Variants in MINAR1 observed in about 807,000 individuals in gnomAD.
MINAR1 encodes major intrinsically disordered Notch2-binding receptor 1.
In MINAR1, 40 loss-of-function variants were observed where a neutral mutation model predicts 65.1. The observed-to-expected ratio is 0.61, with a 90% CI of 0.48 to 0.80. MINAR1 has a LOEUF of 0.80. MINAR1 is among the 30% of genes least tolerant of loss of function. The pLI, the probability that MINAR1 is intolerant of heterozygous loss-of-function variation, is 0.00. For missense variants in MINAR1, 1,128 were observed against 1,148.0 expected (o/e 0.98, Z 0.25); for synonymous variants, 482 against 449.1 (o/e 1.07, Z -0.93).
chr15:79,431,040 C>G (rs190744304), upstream of MINAR1, among the ~76,000 whole-genome samples: 679 of 152,308 alleles, frequency 4.5e-3, 11 homozygotes, highest in African/African-American at 0.015. Flanking sequence ...CTGCGTCCCC[C>G]CAGGGCCTTT....
Position 79,457,471 on chromosome 15 carries a change from T to A in MINAR1, c.1324T>A (p.Ser442Thr), listed in dbSNP as rs1895474274. The A allele has an allele frequency of 6.2e-7, 1 of 1,613,998 alleles. No individual in the cohort carries two copies. Among genetic ancestry groups the A allele is most frequent in the African/African-American group, 1.3e-5 (1 of 74,910 alleles). ...TGGGCTCAAATCTAAAGAGATCTCA[T>A]CCCCTGTTGACCTGGAGAAGCATGA... ...QNGLKSKEIS[S>T]PVDLEKHEPV... is the part of the protein sequence containing the mutation. The change falls in exon 2 of 4, where the codon TCC (serine) becomes ACC (threonine). Residue 442 changes from serine (S) to threonine (T), a missense_variant. Ser to Thr is a moderately conservative substitution (Grantham distance 58). Transcript: ENST00000305428.
intron 3 of MINAR1, among the ~76,000 whole-genome samples, chr15:79,464,634 T>C: frequency 6.6e-6 from 1 of 152,194 alleles, no homozygotes; most frequent in East Asian, 1.9e-4. Context: ...AAGAAAATGA[T>C]TGCAATGACA....
At chr15:79,422,294 G>C in the MINAR1 span, 3 of 152,452 alleles carry the variant, frequency 2.0e-5, no homozygotes, top group Admixed American at 6.5e-5. Flanking sequence ...GCTCACGCCT[G>C]TAATCCCAGC....
upstream of MINAR1, among the ~76,000 whole-genome samples, chr15:79,431,670 T>G (rs994588483): frequency 6.6e-6 from 1 of 152,172 alleles, no homozygotes; most frequent in African/African-American, 2.4e-5. Flanking sequence ...CCCCGAGTGC[T>G]CCCTGGGAAG....
chr15:79,427,395 A>T (rs1219817865), upstream of MINAR1: 5 of 152,232 alleles, frequency 3.3e-5, no homozygotes, highest in Non-Finnish European at 7.3e-5. Context: ...AAACCTGCAT[A>T]TGTACCCCTG....
upstream of MINAR1, among the ~76,000 whole-genome samples, chr15:79,431,671 C>T (rs998330529): frequency 7.2e-5 from 11 of 152,242 alleles, no homozygotes; most frequent in African/African-American, 2.7e-4. Context: ...CCCGAGTGCT[C>T]CCTGGGAAGA....
chr15:79,433,698 G>A (rs965503917), intron 1 of MINAR1, among the ~76,000 whole-genome samples: 1 of 152,132 alleles, frequency 6.6e-6, no homozygotes, highest in African/African-American at 2.4e-5. Context: ...TCCAGCAAAC[G>A]AGCTGCCACT....
At chr15:79,416,699 CG>C in the MINAR1 span, 1 of 152,150 alleles carries the variant, frequency 6.6e-6, no homozygotes, top group East Asian at 1.9e-4. Flanking sequence ...ATCTAACAAT[CG>C]ACCCCTGAAT....
chr15:79,468,375 G>A lies in MINAR1; in HGVS notation c.2742G>A (p.Met914Ile). Reference protein sequence around the residue: ...ILVIVVPICTMKS With the variant: ...ILVIVVPICTIKS ...TTATTGTCGTGCCCATCTGCACAAT[G>A]AAATCATGAGCTAAGAATGCAACCT... Residue 914 changes from methionine (M) to isoleucine (I), a missense_variant, in exon 4 of 4, where the codon ATG becomes ATA. Physicochemically the swap from Met to Ile is conservative, Grantham distance 10 (BLOSUM62 1). Transcript: ENST00000305428. 1 of 1,613,802 alleles carries A rather than the reference G, an allele frequency of 6.2e-7. No individual in the cohort carries two copies. The highest frequency in any genetic ancestry group is 8.5e-7 in the Non-Finnish European group (1 of 1,179,902).
chr15:79,453,357 C>A (rs1895302610), intron 1 of MINAR1, among the ~76,000 whole-genome samples: 1 of 152,098 alleles, frequency 6.6e-6, no homozygotes, highest in African/African-American at 2.4e-5. Flanking sequence ...GGGCCCCTAA[C>A]CCCATACAGG....
chr15:79,446,882 T>A lies in MINAR1; in HGVS notation c.-50-9216T>A, dbSNP rs535265063. 7.9e-5 allele frequency among the ~76,000 whole-genome samples: 12 copies of A among 152,270 alleles called. No homozygotes were observed. In the South Asian group the frequency reaches 2.3e-3, roughly 29 times the overall value. On this transcript the variant is annotated intron_variant, in intron 1 of 3. Transcript: ENST00000305428. ...CTTGATTTAATGGTTTTTGTTGTTG[T>A]CATTGTTGCTGTTTTGTTTTTTGAG...
rs1343534835 is a variant in MINAR1, at chr15:79,456,989, C to T, written c.842C>T (p.Ala281Val). ...SPSLVGPISK[A>V]ENEHREPQSR... ...AGTTTGGTTGGCCCCATCAGCAAAG[C>T]AGAGAATGAGCACAGGGAACCCCAG... The change falls in exon 2 of 4, where the codon GCA (alanine) becomes GTA (valine). Residue 281 changes from alanine to valine, a missense_variant. By Grantham distance (64) the Ala-to-Val change is moderately conservative. Transcript: ENST00000305428. The T allele has an allele frequency of 1.2e-6, 2 of 1,614,028 alleles. No homozygotes were observed. The highest frequency in any genetic ancestry group is 2.7e-5 in the African/African-American group (2 of 74,920).
chr15:79,454,255 C>A (rs2141291176), intron 1 of MINAR1, among the ~76,000 whole-genome samples: 1 of 152,304 alleles, frequency 6.6e-6, no homozygotes, highest in East Asian at 1.9e-4. Context: ...CCACTGGTCT[C>A]TGCATATCCC....
intron 1 of MINAR1, among the ~76,000 whole-genome samples, chr15:79,450,032 C>T (rs1245424340): frequency 2.0e-5 from 3 of 152,212 alleles, no homozygotes; most frequent in African/African-American, 7.2e-5. Context: ...GGGTTCCCAG[C>T]TCCATGTTTA....
chr15:79,457,860 C>A lies in MINAR1; in HGVS notation c.1713C>A (p.Val571=). ...EHNLTKIANG[V]PNSKGDKGNR... Reference sequence around the variant, plus strand: ...ACTTAACCAAAATTGCCAATGGGGTCCCCAACAGCAAGGGAGACAAGGGCA... The same window carrying A: ...ACTTAACCAAAATTGCCAATGGGGTACCCAACAGCAAGGGAGACAAGGGCA... Residue 571 remains valine, a synonymous_variant, in exon 2 of 4, where the codon GTC becomes GTA. Transcript: ENST00000305428. 6.2e-7 allele frequency: 1 copy of A among 1,614,072 alleles called. No individual in the cohort carries two copies. The highest frequency in any genetic ancestry group is 1.3e-5 in the African/African-American group (1 of 75,014).
chr15:79,432,849 G>A (rs1567047442), intron 1 of MINAR1, among the ~76,000 whole-genome samples: 1 of 152,198 alleles, frequency 6.6e-6, no homozygotes, highest in Non-Finnish European at 1.5e-5. Context: ...GCAGTTTGGG[G>A]CAAGTTTTCC....
the MINAR1 span, chr15:79,411,716 C>T: frequency 1.9e-6 from 1 of 514,544 alleles, no homozygotes; most frequent in East Asian, 3.3e-5. Flanking sequence ...ACTCCTTGAC[C>T]ACCACAGACA....
intron 2 of MINAR1, among the ~76,000 whole-genome samples, chr15:79,461,970 C>G (rs948260820): frequency 1.3e-4 from 20 of 152,238 alleles, no homozygotes; most frequent in African/African-American, 4.8e-4. Flanking sequence ...ACTCTCATTG[C>G]ATCACACCTA....
intron 1 of MINAR1, among the ~76,000 whole-genome samples, chr15:79,439,211 T>G (rs1334349462): frequency 7.7e-5 from 1 of 12,928 alleles, no homozygotes; most frequent in Non-Finnish European, 1.8e-4. Flanking sequence ...GGGTAGTGAG[T>G]GTGTGGGGTG....
Sources: gnomAD v4.1 joint callset for allele counts (sites outside exome capture counted in the v4.1 genomes callset) on GRCh38, gnomAD v4.1.1 for gene constraint, MANE v1.5 for transcripts, NCBI Gene and HGNC (gene_info 2026-07-23, HGNC 2026-07-21) for gene names.